Variants in TMOD3 observed in about 807,000 individuals in gnomAD.
The protein encoded by TMOD3 is tropomodulin 3.
In TMOD3, 20 loss-of-function variants were observed where a neutral mutation model predicts 39.2. The ratio of observed to expected loss-of-function variants is 0.51; its 90% CI spans 0.36 to 0.74. The LOEUF (loss-of-function observed/expected upper bound fraction) is 0.74, where lower values mean the gene tolerates loss of function less well. Ranked by LOEUF, TMOD3 falls within the 30% of genes least tolerant of loss-of-function variation. The probability of loss-of-function intolerance (pLI) is 0.00; values close to 1 mark genes in which losing one functional copy is unlikely to be tolerated. For synonymous variants in TMOD3, 143 were observed against 145.8 expected (o/e 0.98, Z 0.14); for missense variants, 381 against 412.8 (o/e 0.92, Z 0.67).
chr15:51,899,615 G>C (rs2056639030), intron 7 of TMOD3, among the ~76,000 whole-genome samples: 1 of 151,442 alleles, frequency 6.6e-6, no homozygotes, highest in African/African-American at 2.4e-5. Flanking sequence ...GCAGTGAGCT[G>C]TGATCCTGCC....
intron 1 of TMOD3, among the ~76,000 whole-genome samples, chr15:51,858,530 A>G (rs1380570514): frequency 1.3e-5 from 2 of 151,862 alleles, no homozygotes; most frequent in African/African-American, 2.4e-5. Context: ...GTTGCCTGCA[A>G]TGTAGTATCT....
intron 1 of TMOD3, among the ~76,000 whole-genome samples, chr15:51,840,414 A>G (rs1595889799): frequency 2.0e-5 from 3 of 152,312 alleles, no homozygotes; most frequent in South Asian, 4.1e-4. Flanking sequence ...AACATTGATC[A>G]CATGCTCTGT....
chr15:51,886,973 C>G (rs2056567800), intron 3 of TMOD3, among the ~76,000 whole-genome samples: 1 of 152,150 alleles, frequency 6.6e-6, no homozygotes, highest in South Asian at 2.1e-4. Context: ...AATCCTAGCA[C>G]TTTGGGAGGC....
chr15:51,872,600 G>GTTTTTTTTTT (rs58973705), intron 3 of TMOD3, among the ~76,000 whole-genome samples: 3 of 129,884 alleles, frequency 2.3e-5, no homozygotes, highest in Non-Finnish European at 4.8e-5. Context: ...GACCAAATTT[G>GTTTTTTTTTT]TTTTTTTTTT....
At chr15:51,841,056 A>G (rs772168087) in intron 1 of TMOD3, among the ~76,000 whole-genome samples, 2 of 152,224 alleles carry the variant, frequency 1.3e-5, no homozygotes, top group Non-Finnish European at 2.9e-5. Flanking sequence ...TGAAAAGTAC[A>G]TATCCTTGAG....
intron 1 of TMOD3, among the ~76,000 whole-genome samples, chr15:51,831,217 A>G (rs945004184): frequency 1.3e-5 from 2 of 152,340 alleles, no homozygotes; most frequent in South Asian, 2.1e-4. Context: ...TTATTTAATC[A>G]TATTTTTTAT....
intron 9 of TMOD3, among the ~76,000 whole-genome samples, chr15:51,906,302 G>C (rs1256292348): frequency 6.6e-6 from 1 of 152,170 alleles, no homozygotes; most frequent in African/African-American, 2.4e-5. Flanking sequence ...GATAATCAAA[G>C]AACAAGACTT....
intron 1 of TMOD3, among the ~76,000 whole-genome samples, chr15:51,847,314 AT>A (rs1237436011): frequency 6.6e-6 from 1 of 152,146 alleles, no homozygotes; most frequent in African/African-American, 2.4e-5. Context: ...ATTTCAAACT[AT>A]TTTCTCTGCA....
intron 1 of TMOD3, among the ~76,000 whole-genome samples, chr15:51,835,762 C>T (rs1957856197): frequency 6.6e-6 from 1 of 152,150 alleles, no homozygotes; most frequent in African/African-American, 2.4e-5. Flanking sequence ...AAGAATGTCA[C>T]CCCAACCTCA....
intron 3 of TMOD3, among the ~76,000 whole-genome samples, chr15:51,878,188 A>G (rs748420127): frequency 2.6e-5 from 4 of 152,158 alleles, no homozygotes; most frequent in Non-Finnish European, 5.9e-5. Flanking sequence ...TGTTTTTCCC[A>G]TATCATAGGG....
At chr15:51,833,101 G>A (rs1050398978) in intron 1 of TMOD3, 1 of 151,976 alleles carries the variant, frequency 6.6e-6, no homozygotes, top group African/African-American at 2.4e-5. Flanking sequence ...TATTCTACTG[G>A]GCCTATAACT....
At chr15:51,900,372 G>T (rs1595912085) in intron 8 of TMOD3, 74 bp downstream of exon 8, 2 of 1,543,750 alleles carry the variant, frequency 1.3e-6, no homozygotes, top group African/African-American at 1.4e-5. Context: ...GACTCAGGAT[G>T]GGGATGGGAG....
intron 2 of TMOD3, among the ~76,000 whole-genome samples, chr15:51,866,312 C>CG (rs1433358505): frequency 6.6e-6 from 1 of 151,850 alleles, no homozygotes; most frequent in South Asian, 2.1e-4. Context: ...AAAAATTAGC[C>CG]GGGGGCATGG....
rs2056717099 is a variant in TMOD3, at chr15:51,912,582, T to C, written c.*3772T>C. 1 of 152,144 alleles carries C rather than the reference T, an allele frequency of 6.6e-6. No individual in the cohort carries two copies. Among genetic ancestry groups the C allele is most frequent in the Non-Finnish European group, 1.5e-5 (1 of 68,028 alleles). 9.4% of individuals were successfully genotyped at this position (152,144 alleles called of 1,614,324 possible). ...GTCTGTGTTCCCAGGGCTGCCTCACTTTTTCCCTAAAAAACTAGGAACCAC... is the reference window on the plus strand; with the variant it reads ...GTCTGTGTTCCCAGGGCTGCCTCACCTTTTCCCTAAAAAACTAGGAACCAC... On this transcript the variant is annotated 3_prime_UTR_variant, in exon 10 of 10. Transcript: ENST00000308580.
At chr15:51,844,821 A>G (rs751677662) in intron 1 of TMOD3, among the ~76,000 whole-genome samples, 1 of 152,150 alleles carries the variant, frequency 6.6e-6, no homozygotes. Flanking sequence ...AGTTTGCTTT[A>G]TTTGGTGAGT....
intron 1 of TMOD3, among the ~76,000 whole-genome samples, chr15:51,831,314 C>T: frequency 6.6e-6 from 1 of 152,282 alleles, no homozygotes; most frequent in East Asian, 1.9e-4. Flanking sequence ...AGGTACAGGT[C>T]AAATCCCATT....
intron 1 of TMOD3, among the ~76,000 whole-genome samples, chr15:51,842,455 T>G (rs960106725): frequency 6.6e-6 from 1 of 152,254 alleles, no homozygotes; most frequent in Non-Finnish European, 1.5e-5. Context: ...CATCTTGCCC[T>G]TTCTCTTTGT....
At chr15:51,855,698 C>A (rs4559851) in intron 1 of TMOD3, among the ~76,000 whole-genome samples, 1 of 151,870 alleles carries the variant, frequency 6.6e-6, no homozygotes, top group Non-Finnish European at 1.5e-5. Context: ...TTCTAGCACA[C>A]TGGTTTCACC....
intron 3 of TMOD3, among the ~76,000 whole-genome samples, chr15:51,871,886 G>A (rs1340599942): frequency 6.6e-6 from 1 of 152,082 alleles, no homozygotes; most frequent in Non-Finnish European, 1.5e-5. Context: ...ACAATCAGTG[G>A]TTTCTCTTTA....
Sources: allele counts gnomAD v4.1 joint callset (sites outside exome capture counted in the v4.1 genomes callset), GRCh38; gene constraint gnomAD v4.1.1; transcripts MANE v1.5; gene names NCBI Gene and HGNC (gene_info 2026-07-23, HGNC 2026-07-21).